The following LRRC4C variants were observed in gnomAD, a reference collection of about 807,000 sequenced individuals.
LRRC4C encodes the protein leucine-rich repeat-containing protein 4C.
In LRRC4C, 5 loss-of-function variants were observed where a neutral mutation model predicts 33.6. The ratio of observed to expected loss-of-function variants is 0.15; its 90% CI spans 0.08 to 0.31. The LOEUF (loss-of-function observed/expected upper bound fraction) is 0.31, where lower values mean the gene tolerates loss of function less well. Among genes scored for constraint, LRRC4C ranks in the 10% least tolerant of loss-of-function variants. The probability of loss-of-function intolerance (pLI) is 1.00; values close to 1 mark genes in which losing one functional copy is unlikely to be tolerated. For synonymous variants in LRRC4C, 329 were observed against 302.0 expected (o/e 1.09, Z -0.93); for missense variants, 560 against 796.7 (o/e 0.70, Z 3.58).
chr11:40,752,473 C>T (rs1300294557), intron 2 of LRRC4C, among the ~76,000 whole-genome samples: 2 of 151,868 alleles, frequency 1.3e-5, no homozygotes, highest in Non-Finnish European at 2.9e-5. Context: ...AGAAGACACA[C>T]AAATGACCAA....
At chr11:40,223,454 G>A (rs772355709) in intron 5 of LRRC4C, among the ~76,000 whole-genome samples, 9 of 152,130 alleles carry the variant, frequency 5.9e-5, no homozygotes, top group Middle Eastern at 3.2e-3. Flanking sequence ...CACTTTCATT[G>A]CTAAATAATG....
At chr11:40,729,096 T>C in intron 2 of LRRC4C, among the ~76,000 whole-genome samples, 1 of 152,052 alleles carries the variant, frequency 6.6e-6, no homozygotes, top group Non-Finnish European at 1.5e-5. Context: ...AATATACCTG[T>C]GTAATAAAAC....
chr11:40,991,367 A>T (rs1248173949), intron 1 of LRRC4C, among the ~76,000 whole-genome samples: 1 of 152,158 alleles, frequency 6.6e-6, no homozygotes, highest in Non-Finnish European at 1.5e-5. Context: ...AGGCATGAGT[A>T]AAAGATCAAA....
At chr11:40,443,797 GT>G (rs991758172) in intron 3 of LRRC4C, among the ~76,000 whole-genome samples, 2 of 152,164 alleles carry the variant, frequency 1.3e-5, no homozygotes, top group African/African-American at 4.8e-5. Flanking sequence ...CTAGTATAAT[GT>G]TTTACTAATC....
At chr11:40,753,206 G>A (rs952735025) in intron 2 of LRRC4C, among the ~76,000 whole-genome samples, 3 of 151,946 alleles carry the variant, frequency 2.0e-5, no homozygotes, top group Non-Finnish European at 4.4e-5. Flanking sequence ...GATAATAGAA[G>A]AAATTACTTC....
intron 1 of LRRC4C, among the ~76,000 whole-genome samples, chr11:41,066,147 T>A (rs1293152893): frequency 2.6e-5 from 4 of 152,106 alleles, no homozygotes; most frequent in African/African-American, 7.2e-5. Flanking sequence ...TCTAACCCAA[T>A]GCAAAGAAGC....
chr11:41,345,335 C>T (rs1951768861), intron 1 of LRRC4C, among the ~76,000 whole-genome samples: 1 of 152,150 alleles, frequency 6.6e-6, no homozygotes, highest in Non-Finnish European at 1.5e-5. Flanking sequence ...GGTTAATTAT[C>T]TTTGTCGATA....
chr11:40,763,745 T>A (rs1361567881), intron 2 of LRRC4C, among the ~76,000 whole-genome samples: 1 of 152,114 alleles, frequency 6.6e-6, no homozygotes, highest in African/African-American at 2.4e-5. Flanking sequence ...GAGCCAGAGC[T>A]CAAGGGGGGA....
intron 1 of LRRC4C, among the ~76,000 whole-genome samples, chr11:41,277,674 T>C (rs1274833147): frequency 6.6e-6 from 1 of 152,110 alleles, no homozygotes; most frequent in East Asian, 1.9e-4. Flanking sequence ...CAGGTGACAA[T>C]TGAGCACCTG....
At chr11:40,913,701 G>A (rs924535517) in intron 2 of LRRC4C, among the ~76,000 whole-genome samples, 8 of 152,100 alleles carry the variant, frequency 5.3e-5, no homozygotes, top group Non-Finnish European at 7.4e-5. Flanking sequence ...TAAGATCAGA[G>A]CAGAACTGAA....
chr11:40,715,977 CTG>C (rs1946687530), intron 2 of LRRC4C, among the ~76,000 whole-genome samples: 2 of 151,776 alleles, frequency 1.3e-5, no homozygotes, highest in Non-Finnish European at 2.9e-5. Flanking sequence ...AGAAGTTGCA[CTG>C]AGCCGAGATT....
rs748483585 is a variant in LRRC4C at position 40,834,911 on chromosome 11, G to GACAGACACACACACACACAC, written c.-407+98723_-407+98724insGTGTGTGTGTGTGTGTCTGT. ...AGACAGACAGACAGACAGACAGACA[G>GACAGACACACACACACACAC]ACACACACACACACACACACACACA... On this transcript the variant is annotated intron_variant, in intron 2 of 6. Transcript: ENST00000528697. Among the ~76,000 whole-genome samples the GACAGACACACACACACACAC allele has an allele frequency of 9.4e-3, 794 of 84,878 alleles. 7 individuals carry two copies. The highest frequency in any genetic ancestry group is 0.025 in the Middle Eastern group (4 of 160). The allele number at this position is 84,878 out of a possible 152,430, so 55.7% of individuals were successfully genotyped here. A position where few individuals can be genotyped will look rare whatever the true frequency, so the allele number is the denominator to read the frequency against.
At chr11:40,832,927 A>T (rs1283785564) in intron 2 of LRRC4C, among the ~76,000 whole-genome samples, 1 of 152,164 alleles carries the variant, frequency 6.6e-6, no homozygotes, top group Non-Finnish European at 1.5e-5. Context: ...TTGGTTGTAG[A>T]TAGAAAAACA....
intron 1 of LRRC4C, among the ~76,000 whole-genome samples, chr11:41,443,562 T>C (rs1955721918): frequency 6.6e-6 from 1 of 151,998 alleles, no homozygotes; most frequent in African/African-American, 2.4e-5. Context: ...CTCTCTCTCC[T>C]TTTTCTTTTT....
intron 1 of LRRC4C, among the ~76,000 whole-genome samples, chr11:41,382,265 T>A (rs1272537308): frequency 2.0e-5 from 3 of 152,104 alleles, no homozygotes; most frequent in African/African-American, 2.4e-5. Context: ...AGTCGGCATT[T>A]CTAAAACAAT....
At chr11:40,407,733 G>A (rs1269830349) in intron 3 of LRRC4C, among the ~76,000 whole-genome samples, 4 of 151,994 alleles carry the variant, frequency 2.6e-5, no homozygotes, top group Non-Finnish European at 5.9e-5. Flanking sequence ...AATATGGTTA[G>A]GCAATTTAAA....
chr11:40,467,323 A>T (rs1052355008), intron 3 of LRRC4C, among the ~76,000 whole-genome samples: 5 of 151,538 alleles, frequency 3.3e-5, no homozygotes, highest in Non-Finnish European at 7.4e-5. Flanking sequence ...TTCTTTTTTT[A>T]AAAAAATCAT....
At chr11:41,104,811 A>G (rs902691084) in intron 1 of LRRC4C, among the ~76,000 whole-genome samples, 1 of 152,010 alleles carries the variant, frequency 6.6e-6, no homozygotes, top group African/African-American at 2.4e-5. Context: ...TGAAATCAAT[A>G]TATCTCAAAA....
At chr11:40,700,770 C>T (rs760459765) in intron 2 of LRRC4C, among the ~76,000 whole-genome samples, 7 of 152,076 alleles carry the variant, frequency 4.6e-5, no homozygotes, top group Admixed American at 6.5e-5. Context: ...TCCATTTTAA[C>T]AAAAATCTTT....
Sources: allele counts gnomAD v4.1 joint callset (sites outside exome capture counted in the v4.1 genomes callset), GRCh38; gene constraint gnomAD v4.1.1; transcripts MANE v1.5; gene names NCBI Gene and HGNC (gene_info 2026-07-23, HGNC 2026-07-21).